MTCL2: variants seen among roughly 807,000 people sequenced by gnomAD.
The protein encoded by MTCL2 is microtubule cross-linking factor 2.
the MTCL2 span, chr20:36,860,011 A>G: frequency 1.7e-5 from 17 of 1,014,246 alleles, no homozygotes; most frequent in African/African-American, 1.7e-4. Flanking sequence ...TATGGTCCAC[A>G]TTTAGTCTCT....
At chr20:36,827,614 G>T in the MTCL2 span, among the ~76,000 whole-genome samples, 1 of 152,034 alleles carries the variant, frequency 6.6e-6, no homozygotes, top group Non-Finnish European at 1.5e-5. Flanking sequence ...TTATAGGTGT[G>T]AGCCACCGTG....
chr20:36,859,742 C>A, the MTCL2 span: 3 of 1,231,754 alleles, frequency 2.4e-6, no homozygotes, highest in Non-Finnish European at 3.0e-6. Context: ...AGCAGGGCCA[C>A]CCACCAGACC....
At chr20:36,829,317 G>C in the MTCL2 span, 1 of 1,180,676 alleles carries the variant, frequency 8.5e-7, no homozygotes, top group Non-Finnish European at 1.2e-6. Flanking sequence ...CCTAGAGACA[G>C]GCAGGTTCCT....
the MTCL2 span, chr20:36,815,303 G>C: frequency 6.2e-7 from 1 of 1,613,930 alleles, no homozygotes; most frequent in South Asian, 1.1e-5. This position sits in a 1 kb window ranked among gnomAD's most constrained non-coding sequence, Gnocchi z 5.3. Context: ...GGCGCACCAG[G>C]ATGGCATGGA....
the MTCL2 span, among the ~76,000 whole-genome samples, chr20:36,826,783 A>G: frequency 0.02 from 3,027 of 152,132 alleles, 59 homozygotes; most frequent in Middle Eastern, 0.048. Context: ...CCCTCTGGCT[A>G]TTGTGAGTTA....
chr20:36,847,223 G>C, the MTCL2 span, among the ~76,000 whole-genome samples: 53 of 152,288 alleles, frequency 3.5e-4, no homozygotes, highest in East Asian at 9.8e-3. Context: ...TTCCAAACAA[G>C]CCACGTGGCC....
chr20:36,843,808 GCTGGGCTA>G, the MTCL2 span, among the ~76,000 whole-genome samples: 1 of 152,228 alleles, frequency 6.6e-6, no homozygotes, highest in Non-Finnish European at 1.5e-5. Flanking sequence ...ACCCTATGAT[GCTGGGCTA>G]CATTAACAAA....
chr20:36,863,250 C>T, the MTCL2 span: 1 of 1,197,108 alleles, frequency 8.4e-7, no homozygotes, highest in Non-Finnish European at 1.0e-6. The surrounding 1 kb of genome is among the most constrained non-coding windows in gnomAD (Gnocchi z 6.2). Context: ...CGACGGCGCG[C>T]GGTGGCTCTT....
chr20:36,846,873 G>C, the MTCL2 span, among the ~76,000 whole-genome samples: 702 of 152,332 alleles, frequency 4.6e-3, 8 homozygotes, highest in African/African-American at 0.016. Context: ...AGCCAGGCTT[G>C]GTGGCGTGTG....
chr20:36,793,975 G>C, the MTCL2 span: 3 of 1,551,650 alleles, frequency 1.9e-6, no homozygotes, highest in East Asian at 2.4e-5. The surrounding 1 kb of genome is among the most constrained non-coding windows in gnomAD (Gnocchi z 6.8). Flanking sequence ...CCGTCTGGCT[G>C]GATGTGCTCT....
chr20:36,780,920 C>A, the MTCL2 span: 1 of 152,146 alleles, frequency 6.6e-6, no homozygotes, highest in South Asian at 2.1e-4. Flanking sequence ...TCTCCTGGGG[C>A]CAACATGCTT....
At chr20:36,818,822 T>C in the MTCL2 span, among the ~76,000 whole-genome samples, 1 of 152,168 alleles carries the variant, frequency 6.6e-6, no homozygotes, top group Middle Eastern at 3.2e-3. Flanking sequence ...GGAAAGAGTT[T>C]CACAAACAGA....
At chr20:36,850,432 C>T in the MTCL2 span, among the ~76,000 whole-genome samples, 2 of 151,782 alleles carry the variant, frequency 1.3e-5, no homozygotes, top group Non-Finnish European at 2.9e-5. Flanking sequence ...GAGGCTAAGG[C>T]GGAGAATTGC....
chr20:36,825,261 A>C, the MTCL2 span, among the ~76,000 whole-genome samples: 1 of 152,168 alleles, frequency 6.6e-6, no homozygotes, highest in South Asian at 2.1e-4. Context: ...ACACTTTTAA[A>C]TGGTGAGTTG....
chr20:36,857,579 G>A, the MTCL2 span, among the ~76,000 whole-genome samples: 3 of 152,180 alleles, frequency 2.0e-5, no homozygotes, highest in African/African-American at 7.2e-5. Flanking sequence ...TCAGCCCCAA[G>A]GAGGCTGCGG....
chr20:36,803,102 C>T, the MTCL2 span: 8 of 1,600,614 alleles, frequency 5.0e-6, no homozygotes, highest in Admixed American at 1.0e-4. Context: ...CTGTCTTCAG[C>T]TCCATCTGCG....
chr20:36,790,971 G>A, the MTCL2 span, among the ~76,000 whole-genome samples: 1 of 152,110 alleles, frequency 6.6e-6, no homozygotes. Flanking sequence ...GCTGGAAGCT[G>A]TAGATATGGC....
At chr20:36,848,387 G>A in the MTCL2 span, among the ~76,000 whole-genome samples, 1 of 152,220 alleles carries the variant, frequency 6.6e-6, no homozygotes, top group South Asian at 2.1e-4. Context: ...CAAGAATCCT[G>A]GGAGAATTGT....
the MTCL2 span, chr20:36,786,770 A>G: frequency 1.3e-6 from 1 of 786,422 alleles, no homozygotes; most frequent in East Asian, 2.7e-5. Context: ...GAAGCTCCTC[A>G]CTGGACCAAT....
Sources: gnomAD v4.1 joint callset for allele counts (sites outside exome capture counted in the v4.1 genomes callset) on GRCh38, gnomAD v4.1.1 for gene constraint, Gnocchi (gnomAD v3.1) non-coding constraint, MANE v1.5 for transcripts, NCBI Gene and HGNC (gene_info 2026-07-23, HGNC 2026-07-21) for gene names.